BRCA1: variants seen among roughly 807,000 people sequenced by gnomAD.
The protein encoded by BRCA1 is BRCA1 DNA repair associated, also known as breast cancer type 1 susceptibility protein.
In BRCA1, 140 loss-of-function variants were observed where a neutral mutation model predicts 173.7. The observed-to-expected ratio is 0.81, with a 90% confidence interval of 0.70 to 0.93. The LOEUF is 0.93. Ranked by LOEUF, BRCA1 falls within the 40% of genes least tolerant of loss-of-function variation. The pLI is 0.00. For synonymous variants in BRCA1, 662 were observed against 756.0 expected (o/e 0.88, Z 2.04); for missense variants, 1,983 against 2,172.5 (o/e 0.91, Z 1.73).
chr17:43,081,974 T>C (rs912634391), intron 12 of BRCA1, among the ~76,000 whole-genome samples: 1 of 152,250 alleles, frequency 6.6e-6, no homozygotes, highest in African/African-American at 2.4e-5. Flanking sequence ...TCCTGAAGTA[T>C]AGGATGTCTC....
In BRCA1 at chr17:43,093,253, T is replaced by C; in HGVS notation, c.2278A>G (p.Thr760Ala). ...LMLSGERVLQ[T>A]ERSVESSSIS... ...CTGCTACTCTCTACAGATCTTTCAG[T>C]TTGCAAAACCCTTTCTCCACTTAAC... The change falls in exon 10 of 23, where the codon ACT (threonine) becomes GCT (alanine). Residue 760 changes from threonine to alanine, a missense_variant. Coordinates refer to ENST00000357654, the MANE Select transcript of BRCA1 (RefSeq NM_007294.4). The C allele has an allele frequency of 6.2e-7, 1 of 1,614,102 alleles. No individual in the cohort carries two copies. Among genetic ancestry groups the C allele is most frequent in the Non-Finnish European group, 8.5e-7 (1 of 1,180,000 alleles).
In BRCA1 at chr17:43,107,226, G is replaced by A. The variant is rs530142470; in HGVS notation, c.135-693C>T. On this transcript the variant is annotated intron_variant, in intron 3 of 22. Coordinates refer to ENST00000357654, the MANE Select transcript of BRCA1 (RefSeq NM_007294.4). Reference sequence around the variant, plus strand: ...ACTACAGGCGCCCAGCACCATGCCCGGCTAATTTTTTTATTTTTAGTAGAG... The same window carrying A: ...ACTACAGGCGCCCAGCACCATGCCCAGCTAATTTTTTTATTTTTAGTAGAG... 3.3e-5 allele frequency among the ~76,000 whole-genome samples: 5 copies of A among 149,718 alleles called. No homozygotes were observed. In the South Asian group the frequency reaches 6.4e-4, roughly 19 times the overall value.
Position 43,092,817 on chromosome 17 carries a change from T to C in BRCA1, c.2714A>G (p.Gln905Arg), listed in dbSNP as rs397507203. 4 of 1,614,052 alleles carry C rather than the reference T, an allele frequency of 2.5e-6. No individual in the cohort carries two copies. The highest frequency in any genetic ancestry group is 3.4e-6 in the Non-Finnish European group (4 of 1,179,964). Residue 905 changes from glutamine (Q) to arginine (R), a missense_variant, in exon 10 of 23, where the codon CAA (glutamine) becomes CGA (arginine). Coordinates refer to ENST00000357654, the MANE Select transcript of BRCA1 (RefSeq NM_007294.4). ...QSPKVTFECE[Q>R]KEENQGKNES... is the part of the protein sequence containing the mutation. ...ATTCTTTCCTTGATTTTCTTCCTTT[T>C]GTTCACATTCAAAAGTGACTTTTGG... is the stretch of plus-strand genomic sequence containing the variant.
At position 43,091,112 on chromosome 17, in the gene BRCA1, G is replaced by C. The variant is rs2053453274; in HGVS notation, c.4097-80C>G. Reference sequence around the variant, plus strand: ...CTTGCTGTGTCTTTTTCTTCTCATTGGCAGGACTGGATTTACTTTCATGTC... The same window carrying C: ...CTTGCTGTGTCTTTTTCTTCTCATTCGCAGGACTGGATTTACTTTCATGTC... On this transcript the variant is annotated intron_variant, in intron 10 of 22. Transcript: ENST00000357654. The C allele has an allele frequency of 5.5e-6, 7 of 1,278,134 alleles. No homozygotes were observed. The East Asian group carries it at 1.7e-4, about 31-fold the overall frequency. The allele number at this position is 1,278,134 out of a possible 1,614,324, so 79.2% of individuals were successfully genotyped here.
upstream of BRCA1, among the ~76,000 whole-genome samples, chr17:43,129,581 C>G (rs1280933084): frequency 6.6e-6 from 1 of 152,134 alleles, no homozygotes; most frequent in African/African-American, 2.4e-5. Context: ...TCACGCCATT[C>G]TCCTGCCTCA....
intron 3 of BRCA1, among the ~76,000 whole-genome samples, chr17:43,112,961 G>A (rs2055109174): frequency 2.0e-5 from 3 of 152,028 alleles, no homozygotes; most frequent in East Asian, 1.9e-4. Flanking sequence ...GCGCCTCCAC[G>A]CCCGTCTAAT....
intron 1 of BRCA1, among the ~76,000 whole-genome samples, chr17:43,148,051 C>G (rs921905843): frequency 1.3e-5 from 2 of 152,254 alleles, no homozygotes; most frequent in Non-Finnish European, 2.9e-5. Context: ...GGGTAAGTAA[C>G]TATTTTTCCT....
intron 4 of BRCA1, 135 bp from the exon 5 acceptor site, chr17:43,105,091 C>A: frequency 1.4e-6 from 1 of 712,530 alleles, no homozygotes; most frequent in South Asian, 1.6e-5. Context: ...ATCAATACAT[C>A]ATTGACATCT....
chr17:43,157,596 T>C (rs143582240), intron 1 of BRCA1, among the ~76,000 whole-genome samples: 102 of 152,102 alleles, frequency 6.7e-4, no homozygotes, highest in African/African-American at 2.3e-3. Flanking sequence ...CTCAGGAGGC[T>C]CAGGCAGGAG....
At chr17:43,151,799 GGA>G (rs1331366372) in intron 1 of BRCA1, among the ~76,000 whole-genome samples, 2 of 152,210 alleles carry the variant, frequency 1.3e-5, no homozygotes, top group African/African-American at 4.8e-5. Flanking sequence ...GGGAGGCTGA[GGA>G]GGGAAGATCA....
rs1353755235 is a variant in BRCA1, at chr17:43,076,615, CT to C, written c.4358-2del. 1 of 1,612,866 alleles carries C rather than the reference CT, an allele frequency of 6.2e-7. No homozygotes were observed. Among genetic ancestry groups the C allele is most frequent in the Non-Finnish European group, 8.5e-7 (1 of 1,179,550 alleles). On this transcript the variant is annotated splice_acceptor_variant, in intron 12 of 22. Coordinates refer to ENST00000357654, the MANE Select transcript of BRCA1 (RefSeq NM_007294.4). LOFTEE classifies it high-confidence loss of function. Reference sequence around the variant, plus strand: ...CTACTTTTCTGTGAAGTTAATACTGCTTTAAATGGAATGAGAAAACAAATCT... The same window carrying C: ...CTACTTTTCTGTGAAGTTAATACTGCTTAAATGGAATGAGAAAACAAATCT...
chr17:43,124,251 G>A (rs2055761233), intron 1 of BRCA1, 136 bp from the exon 2 acceptor site: 2 of 592,836 alleles, frequency 3.4e-6, no homozygotes, highest in Non-Finnish European at 5.8e-6. Context: ...AAGAACTAAT[G>A]ACAACGTCCT....
At chr17:43,054,969 C>T (rs1360649311) in intron 19 of BRCA1, among the ~76,000 whole-genome samples, 2 of 151,856 alleles carry the variant, frequency 1.3e-5, no homozygotes, top group African/African-American at 2.4e-5. Context: ...AGGCTGGTCT[C>T]GAACTCCTGA....
intron 1 of BRCA1, among the ~76,000 whole-genome samples, chr17:43,136,881 C>T (rs1310563686): frequency 6.6e-6 from 1 of 152,182 alleles, no homozygotes; most frequent in East Asian, 1.9e-4. Context: ...GGTGATTCCT[C>T]AAGGATCTAG....
At position 43,100,680 on chromosome 17, in the gene BRCA1, T is replaced by TATATATATATATATATATA. The variant is rs1567807784; in HGVS notation, c.442-819_442-801dup. 6.5e-3 allele frequency among the ~76,000 whole-genome samples: 72 copies of TATATATATATATATATATA among 11,058 alleles called. 3 individuals are homozygous for TATATATATATATATATATA. Among genetic ancestry groups the TATATATATATATATATATA allele is most frequent in the Non-Finnish European group, 9.1e-3 (57 of 6,262 alleles). The allele number at this position is 11,058 out of a possible 152,430, so 7.3% of individuals were successfully genotyped here. ...AACATATATATATATATATATATAA[T>TATATATATATATATATATA]ATATATATATATATATATATATGTA... On this transcript the variant is annotated intron_variant, in intron 6 of 22. Coordinates refer to ENST00000357654, the MANE Select transcript of BRCA1 (RefSeq NM_007294.4).
chr17:43,108,520 T>A (rs556985117), intron 3 of BRCA1, among the ~76,000 whole-genome samples: 1 of 150,810 alleles, frequency 6.6e-6, no homozygotes, highest in African/African-American at 2.4e-5. Context: ...CTGGCTAACA[T>A]GGTGAAACCC....
chr17:43,115,583 C>T, intron 3 of BRCA1, 143 bp downstream of exon 3: 1 of 784,454 alleles, frequency 1.3e-6, no homozygotes, highest in South Asian at 1.7e-5. Context: ...TATATACTCT[C>T]TGAGAAAGAA....
chr17:43,104,559 G>T (rs1342328395), intron 5 of BRCA1, among the ~76,000 whole-genome samples: 2 of 152,106 alleles, frequency 1.3e-5, no homozygotes, highest in Non-Finnish European at 2.9e-5. Context: ...CACCAACAAT[G>T]TAAGTTGCAC....
At chr17:43,050,986 T>C (rs1567760430) in intron 20 of BRCA1, 77 bp downstream of exon 20, 1 of 1,421,922 alleles carries the variant, frequency 7.0e-7, no homozygotes, top group East Asian at 2.3e-5. Context: ...ACCCCCATCG[T>C]GGGATCTTGC....
Sources: gnomAD v4.1 joint callset for allele counts (sites outside exome capture counted in the v4.1 genomes callset) on GRCh38, gnomAD v4.1.1 for gene constraint, MANE v1.5 for transcripts, NCBI Gene and HGNC (gene_info 2026-07-23, HGNC 2026-07-21) for gene names.